ANAPC15: variants seen among roughly 807,000 people sequenced by gnomAD.
ANAPC15 encodes anaphase promoting complex subunit 15.
Under a neutral mutation model 19.8 loss-of-function variants are expected in ANAPC15, and 13 were observed. That is an observed-to-expected ratio of 0.66 (90% CI 0.43 to 1.04). The LOEUF is 1.04. ANAPC15 is among the 50% of genes least tolerant of loss of function. The pLI, the probability that ANAPC15 is intolerant of heterozygous loss-of-function variation, is 0.00. For missense variants in ANAPC15, 88 were observed against 150.3 expected, an observed-to-expected ratio of 0.59 and a Z score of 2.17; for synonymous variants, 45 against 50.7, an observed-to-expected ratio of 0.89 and a Z score of 0.47.
Position 72,110,151 on chromosome 11 carries a change from A to C in ANAPC15, c.255T>G (p.Asp85Glu). The C allele has an allele frequency of 6.2e-7, 1 of 1,614,086 alleles. No individual in the cohort carries two copies. The highest frequency in any genetic ancestry group is 2.2e-5 in the East Asian group (1 of 44,864). Residue 85 changes from aspartate to glutamate, a missense_variant, in exon 5 of 6, where the codon GAT (aspartate) becomes GAG (glutamate). By Grantham distance (45) the Asp-to-Glu change is conservative. Coordinates refer to ENST00000227618, the MANE Select transcript of ANAPC15 (RefSeq NM_014042.3). ...CATTCATCTCGTCCATGTCCTGCAT[A>C]TCCTCATCATCCTCTGAGTCCTCTT... ...DSEEDSEDDE[D>E]MQDMDEMNDY... is the part of the protein sequence containing the mutation.
At chr11:72,106,750 G>C (rs982936307), downstream of ANAPC15, 1 of 152,230 alleles carries the variant, frequency 6.6e-6, no homozygotes, top group African/African-American at 2.4e-5. Flanking sequence ...AGACCGGCTT[G>C]GGCAACATGG....
chr11:72,109,448 G>GTTCT, downstream of ANAPC15: 2 of 420,118 alleles, frequency 4.8e-6, no homozygotes, highest in East Asian at 7.1e-5. Flanking sequence ...CAGGGCCAGG[G>GTTCT]ATGCCCTGGC....
downstream of ANAPC15, chr11:72,107,774 G>A: frequency 5.1e-6 from 4 of 783,466 alleles, no homozygotes; most frequent in Admixed American, 7.3e-5. Context: ...ACGGGGACCA[G>A]GAGGGCAGCT....
chr11:72,107,479 G>A, downstream of ANAPC15: 1 of 702,890 alleles, frequency 1.4e-6, no homozygotes, highest in Admixed American at 2.0e-5. Flanking sequence ...GATGGGGGTG[G>A]GAAGGGCAAA....
At position 72,111,177 on chromosome 11, in the gene ANAPC15, C is replaced by G. The variant is rs1213795045; in HGVS notation, c.100G>C (p.Glu34Gln). Reference sequence around the variant, plus strand: ...CTCACCCAGGCCTGATGCTGCTGTTCCTGCTGCTGCAGCTCTGTCTCTTCC... The same window carrying G: ...CTCACCCAGGCCTGATGCTGCTGTTGCTGCTGCTGCAGCTCTGTCTCTTCC... ...CVEETELQQQ[E>Q]QQHQAWLQSI... The change falls in exon 3 of 6, where the codon GAA (glutamate) becomes CAA (glutamine). Residue 34 changes from glutamate (E) to glutamine (Q), a missense_variant. Coordinates refer to ENST00000227618, the MANE Select transcript of ANAPC15 (RefSeq NM_014042.3). 6.2e-7 allele frequency: 1 copy of G among 1,608,916 alleles called. No homozygotes were observed. The highest frequency in any genetic ancestry group is 1.7e-5 in the Admixed American group (1 of 60,010).
chr11:72,109,393 C>G (rs1269751651), downstream of ANAPC15: 8 of 460,100 alleles, frequency 1.7e-5, no homozygotes, highest in Non-Finnish European at 3.0e-5. Flanking sequence ...GCAGGAATAG[C>G]TGGATGCAAG....
intron 1 of ANAPC15, chr11:72,112,277 C>G (rs1471841282): frequency 6.4e-6 from 1 of 157,032 alleles, no homozygotes; most frequent in Non-Finnish European, 1.4e-5. Flanking sequence ...AACCCACCGT[C>G]GCAAAGCCAC....
In ANAPC15 at chr11:72,109,714, TG is replaced by T; in HGVS notation, c.*166del. The T allele has an allele frequency of 1.3e-6, 1 of 773,680 alleles. No homozygotes were observed. The highest frequency in any genetic ancestry group is 2.2e-6 in the Non-Finnish European group (1 of 463,582). The allele number at this position is 773,680 out of a possible 1,614,324, so 47.9% of individuals were successfully genotyped here. A position where few individuals can be genotyped will look rare whatever the true frequency, so the allele number is the denominator to read the frequency against. On this transcript the variant is annotated 3_prime_UTR_variant, in exon 6 of 6. Coordinates refer to ENST00000227618, the MANE Select transcript of ANAPC15 (RefSeq NM_014042.3). Reference sequence around the variant, plus strand: ...GGATTTCAAGTGCAGACTGATGGCCTGGGAGGGGCCAAAGAGACCAGATCCT... The same window carrying T: ...GGATTTCAAGTGCAGACTGATGGCCTGGAGGGGCCAAAGAGACCAGATCCT...
chr11:72,107,840 G>A (rs1453584933), downstream of ANAPC15: 2 of 1,468,878 alleles, frequency 1.4e-6, no homozygotes, highest in African/African-American at 2.8e-5. Context: ...CTGCAGTGAG[G>A]CAGGTAGGCA....
At chr11:72,111,083 G>T in intron 3 of ANAPC15, 74 bp downstream of exon 3, 1 of 994,464 alleles carries the variant, frequency 1.0e-6, no homozygotes, top group Admixed American at 2.1e-5. Flanking sequence ...TCTGGAGTAA[G>T]GCTGGGTCAT....
At position 72,110,280 on chromosome 11, in the gene ANAPC15, G is replaced by C. The variant is rs1565336006; in HGVS notation, c.181-55C>G. 3 of 1,607,394 alleles carry C rather than the reference G, an allele frequency of 1.9e-6. No individual in the cohort carries two copies. The South Asian group carries it at 3.3e-5, about 18-fold the overall frequency. ...TACAGGCCTGCATGGACCAGTTCAA[G>C]AACTGACCCACTTGAGCCTCTCTCT... On this transcript the variant is annotated intron_variant, in intron 4 of 5. Coordinates refer to ENST00000227618, the MANE Select transcript of ANAPC15 (RefSeq NM_014042.3).
chr11:72,107,146 G>A (rs918565644), downstream of ANAPC15: 1 of 410,678 alleles, frequency 2.4e-6, no homozygotes, highest in Non-Finnish European at 4.3e-6. Flanking sequence ...GAGTAACTGT[G>A]GTTCCAGCTA....
In ANAPC15 at chr11:72,110,594, T is replaced by A. The variant is rs759869247; in HGVS notation, c.130A>T (p.Ile44Phe). ...EQQHQAWLQS[I>F]AEKDNNLVPI... The stretch of plus-strand genomic sequence containing the variant: ...ACCAGGTTGTTGTCTTTCTCCGCGA[T>A]GCTTTGGAGCTGTGGGCAAAGGCAC... The change falls in exon 4 of 6, where the codon ATC (isoleucine) becomes TTC (phenylalanine). Residue 44 changes from isoleucine (I) to phenylalanine (F), a missense_variant. By Grantham distance (21) the Ile-to-Phe change is conservative. Coordinates refer to ENST00000227618, the MANE Select transcript of ANAPC15 (RefSeq NM_014042.3). 6.2e-7 allele frequency: 1 copy of A among 1,614,130 alleles called. No individual in the cohort carries two copies. The highest frequency in any genetic ancestry group is 8.5e-7 in the Non-Finnish European group (1 of 1,180,058).
At chr11:72,108,946 T>G, downstream of ANAPC15, 2 of 1,489,580 alleles carry the variant, frequency 1.3e-6, no homozygotes, top group Non-Finnish European at 1.8e-6. Flanking sequence ...CAGGGGTACT[T>G]ACTGATGCCC....
At chr11:72,110,954 G>A (rs1426109113) in intron 3 of ANAPC15, among the ~76,000 whole-genome samples, 1 of 152,218 alleles carries the variant, frequency 6.6e-6, no homozygotes, top group Non-Finnish European at 1.5e-5. Flanking sequence ...GCTCTAATCT[G>A]GCCCAGAAGT....
Position 72,112,631 on chromosome 11 carries a change from G to A in ANAPC15, c.-96+19C>T, listed in dbSNP as rs1243444152. 1 of 455,974 alleles carries A rather than the reference G, an allele frequency of 2.2e-6. No homozygotes were observed. The allele number at this position is 455,974 out of a possible 1,614,324, so 28.2% of individuals were successfully genotyped here. ...ATGAAGGGGCAAGGAGACGGTTGCA[G>A]CCTTGCGTCTGTACTTACCGCGCCG... is the stretch of plus-strand genomic sequence containing the variant. On this transcript the variant is annotated intron_variant, in intron 1 of 5. Transcript: ENST00000227618.
downstream of ANAPC15, chr11:72,108,840 G>A (rs963049398): frequency 1.2e-5 from 18 of 1,550,488 alleles, no homozygotes; most frequent in East Asian, 7.3e-5. Context: ...GGCCGCTACC[G>A]CTGCCGCCTC....
rs1412783056 is a variant in ANAPC15, at chr11:72,109,908, T to C, written c.339A>G (p.Glu113=). 1 of 1,614,052 alleles carries C rather than the reference T, an allele frequency of 6.2e-7. No homozygotes were observed. Among genetic ancestry groups the C allele is most frequent in the African/African-American group, 1.3e-5 (1 of 75,032 alleles). The change falls in exon 6 of 6, where the codon GAA becomes GAG. Residue 113 remains glutamate (E), a synonymous_variant. Coordinates refer to ENST00000227618, the MANE Select transcript of ANAPC15 (RefSeq NM_014042.3). Reference sequence around the variant, plus strand: ...AGATCATCCACTGGTCCTGATCCTGTTCGTTGCCTTCCATGTCCACCTGGA... The same window carrying C: ...AGATCATCCACTGGTCCTGATCCTGCTCGTTGCCTTCCATGTCCACCTGGA... ...EVNEVDMEGN[E]QDQDQWMI
chr11:72,110,589 C>G lies in ANAPC15; in HGVS notation c.135G>C (p.Ala45=). 1 of 1,614,186 alleles carries G rather than the reference C, an allele frequency of 6.2e-7. No individual in the cohort carries two copies. The highest frequency in any genetic ancestry group is 8.5e-7 in the Non-Finnish European group (1 of 1,180,044). Residue 45 remains alanine, a synonymous_variant, in exon 4 of 6, where the codon GCG becomes GCC. Transcript: ENST00000227618. ...TAGGAACCAGGTTGTTGTCTTTCTC[C>G]GCGATGCTTTGGAGCTGTGGGCAAA... is the stretch of plus-strand genomic sequence containing the variant. The part of the protein sequence containing the change: ...QQHQAWLQSI[A]EKDNNLVPIG...
Sources: allele counts gnomAD v4.1 joint callset (sites outside exome capture counted in the v4.1 genomes callset), GRCh38; gene constraint gnomAD v4.1.1; transcripts MANE v1.5; gene names NCBI Gene and HGNC (gene_info 2026-07-23, HGNC 2026-07-21).